Variants in ARL15 observed in about 807,000 individuals in gnomAD.
ARL15 encodes ARF like GTPase 15, also known as ADP-ribosylation factor-like protein 15.
A neutral mutation model predicts 25.2 loss-of-function variants in ARL15; 19 were observed. That is an observed-to-expected ratio of 0.75 (90% CI 0.53 to 1.10). The LOEUF (loss-of-function observed/expected upper bound fraction) is 1.10, where lower values mean the gene tolerates loss of function less well. Ranked by LOEUF, ARL15 falls within the 50% of genes least tolerant of loss-of-function variation. ARL15 has a pLI of 0.00. For missense variants in ARL15, 220 were observed against 246.0 expected (o/e 0.89, Z 0.71); for synonymous variants, 94 against 86.8 (o/e 1.08, Z -0.46).
chr5:53,930,764 C>G (rs1012968611), intron 4 of ARL15, among the ~76,000 whole-genome samples: 1 of 152,074 alleles, frequency 6.6e-6, no homozygotes, highest in Non-Finnish European at 1.5e-5. Flanking sequence ...ACTGTTAATT[C>G]AAGTGGTTTC....
chr5:53,997,011 T>G (rs527381767), intron 4 of ARL15, among the ~76,000 whole-genome samples: 5 of 152,336 alleles, frequency 3.3e-5, no homozygotes, highest in Admixed American at 1.3e-4. Context: ...TTCCTTCTCC[T>G]GTATCGTACA....
At chr5:53,923,030 A>T (rs1745905743) in intron 4 of ARL15, among the ~76,000 whole-genome samples, 1 of 152,216 alleles carries the variant, frequency 6.6e-6, no homozygotes, top group African/African-American at 2.4e-5. Context: ...TATTTTGATG[A>T]TTAATTTTTA....
chr5:54,015,622 T>G (rs1263265748), intron 4 of ARL15, among the ~76,000 whole-genome samples: 1 of 152,224 alleles, frequency 6.6e-6, no homozygotes, highest in Non-Finnish European at 1.5e-5. Flanking sequence ...GCAAACATTT[T>G]AGATGGTCAC....
chr5:54,147,282 A>G (rs1318518590), intron 3 of ARL15, among the ~76,000 whole-genome samples: 2 of 152,164 alleles, frequency 1.3e-5, no homozygotes, highest in African/African-American at 4.8e-5. Flanking sequence ...CACTAGATCC[A>G]TGACTATAAA....
chr5:54,195,059 T>C (rs1490746937), intron 1 of ARL15, among the ~76,000 whole-genome samples: 1 of 152,340 alleles, frequency 6.6e-6, no homozygotes, highest in East Asian at 1.9e-4. Context: ...ACATTCCTTT[T>C]GTCCAACAGG....
intron 1 of ARL15, among the ~76,000 whole-genome samples, chr5:54,290,101 A>G (rs1164963599): frequency 1.3e-5 from 2 of 152,116 alleles, no homozygotes; most frequent in African/African-American, 4.8e-5. Flanking sequence ...TAACTCTGAG[A>G]TTCCCCAAAG....
chr5:54,295,846 A>G (rs542173664), intron 1 of ARL15, among the ~76,000 whole-genome samples: 83 of 152,318 alleles, frequency 5.4e-4, no homozygotes, highest in African/African-American at 1.9e-3. Context: ...TCATACAGGA[A>G]GAAGGGATAA....
At chr5:53,930,205 T>C (rs1020049787) in intron 4 of ARL15, among the ~76,000 whole-genome samples, 3 of 152,162 alleles carry the variant, frequency 2.0e-5, no homozygotes, top group Non-Finnish European at 2.9e-5. Context: ...TATACTGCAA[T>C]TGGCTACCAG....
At chr5:53,951,747 TCAAGCATTATGC>T (rs1474277903) in intron 4 of ARL15, 2 of 296,776 alleles carry the variant, frequency 6.7e-6, no homozygotes, top group Non-Finnish European at 1.3e-5. Flanking sequence ...TGAATCTTTT[TCAAGCATTATGC>T]TTTATGCTTT....
chr5:53,962,675 A>C (rs1747410180), intron 4 of ARL15, among the ~76,000 whole-genome samples: 1 of 152,148 alleles, frequency 6.6e-6, no homozygotes, highest in Admixed American at 6.5e-5. Context: ...AATTCATAGT[A>C]GTGTTCTAGT....
chr5:54,062,024 A>G, intron 4 of ARL15, among the ~76,000 whole-genome samples: 1 of 152,166 alleles, frequency 6.6e-6, no homozygotes, highest in Admixed American at 6.5e-5. Context: ...TGACACATGG[A>G]CTCAAAGGAA....
At chr5:54,074,511 T>C (rs1751528768) in intron 4 of ARL15, among the ~76,000 whole-genome samples, 1 of 152,196 alleles carries the variant, frequency 6.6e-6, no homozygotes, top group Non-Finnish European at 1.5e-5. Flanking sequence ...GGAAAAGATA[T>C]TTAACTTTTA....
chr5:54,143,673 C>A (rs565090562), intron 3 of ARL15, among the ~76,000 whole-genome samples: 4 of 151,602 alleles, frequency 2.6e-5, no homozygotes, highest in African/African-American at 4.8e-5. Flanking sequence ...ATATTCTTTG[C>A]TTTTTGTCCT....
At chr5:54,017,569 A>T (rs184512011) in intron 4 of ARL15, among the ~76,000 whole-genome samples, 88 of 142,698 alleles carry the variant, frequency 6.2e-4, no homozygotes, top group Non-Finnish European at 9.8e-4. Flanking sequence ...TTCTGGGGGA[A>T]TCAGTGCCTT....
chr5:54,156,700 A>G (rs1335868645), intron 2 of ARL15, among the ~76,000 whole-genome samples: 1 of 152,234 alleles, frequency 6.6e-6, no homozygotes. Flanking sequence ...GCCCTCTAAC[A>G]ATCTTCTAAA....
intron 3 of ARL15, among the ~76,000 whole-genome samples, chr5:54,134,968 T>A (rs189617038): frequency 6.6e-6 from 1 of 152,208 alleles, no homozygotes; most frequent in Non-Finnish European, 1.5e-5. Context: ...CATGTTTACA[T>A]ATTTTAATTG....
chr5:54,228,016 T>C (rs963179268), intron 1 of ARL15, among the ~76,000 whole-genome samples: 3 of 152,076 alleles, frequency 2.0e-5, no homozygotes, highest in Non-Finnish European at 4.4e-5. Flanking sequence ...AAAGACAAGA[T>C]AGAAGTAGAG....
chr5:54,005,947 G>A (rs935783252), intron 4 of ARL15, among the ~76,000 whole-genome samples: 6 of 151,288 alleles, frequency 4.0e-5, no homozygotes, highest in African/African-American at 1.5e-4. Context: ...GCTGTAGCTG[G>A]GAGGAGGCAC....
At chr5:54,063,874 G>A (rs1751138606) in intron 4 of ARL15, among the ~76,000 whole-genome samples, 1 of 152,150 alleles carries the variant, frequency 6.6e-6, no homozygotes, top group Non-Finnish European at 1.5e-5. Context: ...CGCCTATGAT[G>A]TTAGCAAGCT....
Sources: allele counts gnomAD v4.1 joint callset (sites outside exome capture counted in the v4.1 genomes callset), GRCh38; gene constraint gnomAD v4.1.1; transcripts MANE v1.5; gene names NCBI Gene and HGNC (gene_info 2026-07-23, HGNC 2026-07-21).